Variants in PCDHA11 observed in about 807,000 individuals in gnomAD.
PCDHA11 encodes protocadherin alpha-11.
In PCDHA11, 61 loss-of-function variants were observed where a neutral mutation model predicts 70.3. The ratio of observed to expected loss-of-function variants is 0.87; its 90% CI spans 0.71 to 1.07. The LOEUF is 1.07. Ranked by LOEUF, PCDHA11 falls within the 50% of genes least tolerant of loss-of-function variation. The pLI, the probability that PCDHA11 is intolerant of heterozygous loss-of-function variation, is 0.00. For missense variants in PCDHA11, 1,324 were observed against 1,237.5 expected (o/e 1.07, Z -1.05); for synonymous variants, 633 against 555.1 (o/e 1.14, Z -1.97).
At chr5:140,944,928 C>A (rs1554216614) in intron 1 of PCDHA11, among the ~76,000 whole-genome samples, 1 of 152,074 alleles carries the variant, frequency 6.6e-6, no homozygotes, top group Non-Finnish European at 1.5e-5. Flanking sequence ...TTGGTTTATG[C>A]CTTCTTTAGA....
At chr5:140,887,473 G>T (rs574265811) in intron 1 of PCDHA11, among the ~76,000 whole-genome samples, 10 of 152,222 alleles carry the variant, frequency 6.6e-5, no homozygotes, top group African/African-American at 2.4e-4. Flanking sequence ...TAATTCAGTT[G>T]TCTTCTGGCT....
intron 1 of PCDHA11, among the ~76,000 whole-genome samples, chr5:140,897,367 T>C (rs1554187348): frequency 8.0e-6 from 1 of 125,642 alleles, no homozygotes; most frequent in East Asian, 2.4e-4. Flanking sequence ...CAGAGTGTGA[T>C]GTTCCCTTCC....
chr5:140,875,441 T>C (rs781902185), intron 1 of PCDHA11: 1 of 1,570,886 alleles, frequency 6.4e-7, no homozygotes, highest in Admixed American at 1.9e-5. Flanking sequence ...TTAAAACTGA[T>C]TGTCCCAACT....
intron 3 of PCDHA11, among the ~76,000 whole-genome samples, chr5:140,996,287 A>C (rs1200123512): frequency 2.0e-5 from 3 of 152,258 alleles, no homozygotes; most frequent in African/African-American, 4.8e-5. Context: ...AAATTTCAAG[A>C]AGCACAGATT....
chr5:140,937,953 T>G (rs955302275), intron 1 of PCDHA11, among the ~76,000 whole-genome samples: 5 of 152,174 alleles, frequency 3.3e-5, no homozygotes, highest in South Asian at 2.1e-4. Flanking sequence ...TGGCTTTTGT[T>G]GAAAGTATAT....
chr5:140,927,995 AC>A, intron 1 of PCDHA11: 5 of 1,614,042 alleles, frequency 3.1e-6, no homozygotes, highest in Non-Finnish European at 4.2e-6. Flanking sequence ...AAGGATGAAG[AC>A]CTCGATTCTA....
rs559093543 is a variant in PCDHA11 at position 140,936,623 on chromosome 5, A to G, written c.2392-42326A>G. Among the ~76,000 whole-genome samples, 3 of 152,312 alleles carry G rather than the reference A, an allele frequency of 2.0e-5. No individual in the cohort carries two copies. The East Asian group carries it at 5.8e-4, about 29-fold the overall frequency. On this transcript the variant is annotated intron_variant, in intron 1 of 3. Transcript: ENST00000398640. ...TTCCTCGCTGCTACTGTGCAGTGCT[A>G]CCTTTGTCATAAGCAACGTGACTTT...
At chr5:141,008,512 C>A (rs1006553111) in intron 3 of PCDHA11, among the ~76,000 whole-genome samples, 2 of 152,094 alleles carry the variant, frequency 1.3e-5, no homozygotes, top group Non-Finnish European at 2.9e-5. Context: ...GGTGTGTCTT[C>A]CAATCAGACT....
intron 1 of PCDHA11, chr5:140,882,683 C>G (rs1554175163): frequency 6.2e-7 from 1 of 1,614,148 alleles, no homozygotes; most frequent in Non-Finnish European, 8.5e-7. Flanking sequence ...AAGCAAGAAA[C>G]GAATAATCAT....
At chr5:140,969,064 C>T (rs2096292525) in intron 1 of PCDHA11, 1 of 1,614,136 alleles carries the variant, frequency 6.2e-7, no homozygotes, top group Non-Finnish European at 8.5e-7. Context: ...ATATTGATGC[C>T]AGGATACCGC....
chr5:140,991,707 A>G (rs1436655429), intron 3 of PCDHA11, among the ~76,000 whole-genome samples: 1 of 152,158 alleles, frequency 6.6e-6, no homozygotes, highest in Non-Finnish European at 1.5e-5. Flanking sequence ...TAATATGCAT[A>G]TTGCTACTAG....
At chr5:141,005,689 G>A (rs980293858) in intron 3 of PCDHA11, among the ~76,000 whole-genome samples, 12 of 95,950 alleles carry the variant, frequency 1.3e-4, no homozygotes, top group African/African-American at 4.3e-4. Context: ...GCGACAGAGC[G>A]AAACTCCGTC....
chr5:140,966,731 G>T, intron 1 of PCDHA11: 8 of 1,405,136 alleles, frequency 5.7e-6, no homozygotes, highest in Non-Finnish European at 7.4e-6. Context: ...TGCCGCCTCC[G>T]GCCCTGCCCG....
intron 1 of PCDHA11, chr5:140,876,621 A>G: frequency 6.2e-7 from 1 of 1,614,120 alleles, no homozygotes; most frequent in Non-Finnish European, 8.5e-7. Context: ...GAGCCAATGG[A>G]CAGGTCATCT....
At position 140,925,553 on chromosome 5, in the gene PCDHA11, A is replaced by G. The variant is rs183194732; in HGVS notation, c.2392-53396A>G. 8.0e-3 allele frequency among the ~76,000 whole-genome samples: 1,211 copies of G among 152,074 alleles called. 7 individuals carry two copies. The highest frequency in any genetic ancestry group is 0.019 in the African/African-American group (785 of 41,482). On this transcript the variant is annotated intron_variant, in intron 1 of 3. Transcript: ENST00000398640. The stretch of plus-strand genomic sequence containing the variant: ...AGGAGAAATACCTAATGTAAATGAC[A>G]AGTTAATGGGTGCAGCACACCAACA...
intron 1 of PCDHA11, chr5:140,926,928 G>GT: frequency 1.3e-6 from 2 of 1,574,878 alleles, no homozygotes; most frequent in South Asian, 2.4e-5. Context: ...TATGTTTGTG[G>GT]GTTTCCTGCG....
chr5:140,877,944 A>C (rs538675333), intron 1 of PCDHA11: 48 of 1,359,672 alleles, frequency 3.5e-5, no homozygotes, highest in Non-Finnish European at 4.6e-5. Context: ...CCTTTAAACT[A>C]TCGAATGTCT....
intron 1 of PCDHA11, among the ~76,000 whole-genome samples, chr5:140,947,079 C>T (rs2094082344): frequency 6.6e-6 from 1 of 151,398 alleles, no homozygotes; most frequent in Non-Finnish European, 1.5e-5. Context: ...TGTATTGAAA[C>T]ATCAGACTGT....
intron 1 of PCDHA11, chr5:140,881,395 T>C: frequency 1.0e-6 from 1 of 978,940 alleles, no homozygotes; most frequent in Non-Finnish European, 1.2e-6. Context: ...TAAGTTAAAT[T>C]CTATTAAATC....
Sources: allele counts gnomAD v4.1 joint callset (sites outside exome capture counted in the v4.1 genomes callset), GRCh38; gene constraint gnomAD v4.1.1; transcripts MANE v1.5; gene names NCBI Gene and HGNC (gene_info 2026-07-23, HGNC 2026-07-21).